The following PRKCE variants were observed in gnomAD, a reference collection of about 807,000 sequenced individuals.
PRKCE encodes the protein protein kinase C epsilon type.
A neutral mutation model predicts 85.4 loss-of-function variants in PRKCE; 16 were observed. The ratio of observed to expected loss-of-function variants is 0.19; its 90% confidence interval spans 0.13 to 0.28. PRKCE has a LOEUF of 0.28. PRKCE is among the 10% of genes least tolerant of loss of function. PRKCE has a pLI of 1.00. For synonymous variants in PRKCE, 388 were observed against 371.5 expected, an observed-to-expected ratio of 1.04 and a Z score of -0.51; for missense variants, 573 against 975.2, an observed-to-expected ratio of 0.59 and a Z score of 5.49.
intron 1 of PRKCE, among the ~76,000 whole-genome samples, chr2:45,724,337 G>T (rs901681565): frequency 6.6e-6 from 1 of 152,176 alleles, no homozygotes. Flanking sequence ...GATAAATGTT[G>T]TGTGTGTCCT....
chr2:46,083,917 G>C (rs1669339512), intron 10 of PRKCE, among the ~76,000 whole-genome samples: 1 of 152,250 alleles, frequency 6.6e-6, no homozygotes, highest in Non-Finnish European at 1.5e-5. Flanking sequence ...AGATGGAGGA[G>C]AGTCAGTGCT....
intron 2 of PRKCE, among the ~76,000 whole-genome samples, chr2:45,921,972 G>C (rs1698281690): frequency 6.6e-6 from 1 of 152,130 alleles, no homozygotes; most frequent in Admixed American, 6.5e-5. Flanking sequence ...CCCTCATATA[G>C]GGAAAATGAA....
At chr2:45,812,727 G>T (rs891851938) in intron 1 of PRKCE, among the ~76,000 whole-genome samples, 1 of 152,224 alleles carries the variant, frequency 6.6e-6, no homozygotes, top group Non-Finnish European at 1.5e-5. Flanking sequence ...TAAATGTGCT[G>T]TTGATTTTAA....
intron 2 of PRKCE, among the ~76,000 whole-genome samples, chr2:45,954,289 A>G (rs1246356769): frequency 2.0e-5 from 3 of 152,226 alleles, no homozygotes; most frequent in African/African-American, 7.2e-5. Context: ...ATCACTAAAT[A>G]TTGGAGTCAA....
At chr2:46,137,375 C>T (rs1221625131) in intron 11 of PRKCE, among the ~76,000 whole-genome samples, 5 of 152,152 alleles carry the variant, frequency 3.3e-5, no homozygotes, top group African/African-American at 1.2e-4. Context: ...TAGATACATG[C>T]ATAGCCAAAC....
intron 1 of PRKCE, among the ~76,000 whole-genome samples, chr2:45,794,325 G>T (rs1687254639): frequency 6.6e-6 from 1 of 152,140 alleles, no homozygotes; most frequent in African/African-American, 2.4e-5. Context: ...GCGCACTCTG[G>T]GCTGGCGTTT....
intron 2 of PRKCE, among the ~76,000 whole-genome samples, chr2:45,971,577 C>T (rs938142405): frequency 2.6e-5 from 4 of 152,178 alleles, no homozygotes; most frequent in East Asian, 1.9e-4. Context: ...GACAGTAGAA[C>T]ACTGAGTCTT....
chr2:45,704,371 G>T (rs1209197912), intron 1 of PRKCE, among the ~76,000 whole-genome samples: 1 of 152,114 alleles, frequency 6.6e-6, no homozygotes, highest in Non-Finnish European at 1.5e-5. Context: ...CCCTGTCCAG[G>T]GACTGGGCAA....
intron 11 of PRKCE, among the ~76,000 whole-genome samples, chr2:46,134,458 G>T (rs1232224605): frequency 1.3e-5 from 2 of 152,212 alleles, no homozygotes; most frequent in East Asian, 3.8e-4. Flanking sequence ...CCCTGCTTCT[G>T]GGGTGCCATT....
chr2:46,076,591 G>A (rs1229928538), intron 10 of PRKCE, among the ~76,000 whole-genome samples: 2 of 152,108 alleles, frequency 1.3e-5, no homozygotes, highest in African/African-American at 4.8e-5. Flanking sequence ...AAGCAACTGG[G>A]AACAAATATC....
intron 4 of PRKCE, among the ~76,000 whole-genome samples, chr2:45,979,722 G>T (rs1702732772): frequency 6.6e-6 from 1 of 152,156 alleles, no homozygotes; most frequent in Admixed American, 6.5e-5. Context: ...CACGCACACA[G>T]TTACTTACCT....
At chr2:46,146,304 C>T (rs72879760) in intron 12 of PRKCE, among the ~76,000 whole-genome samples, 2,860 of 152,316 alleles carry the variant, frequency 0.019, 83 homozygotes, top group African/African-American at 0.064. Flanking sequence ...TCGCCCATGG[C>T]GGATAGGTAT....
intron 1 of PRKCE, chr2:45,700,629 T>G (rs1477819126): frequency 6.6e-6 from 1 of 152,070 alleles, no homozygotes; most frequent in Non-Finnish European, 1.5e-5. Flanking sequence ...GACCTTGAGG[T>G]CATCACCCTC....
chr2:45,772,802 C>A (rs1322886222), intron 1 of PRKCE, among the ~76,000 whole-genome samples: 1 of 152,052 alleles, frequency 6.6e-6, no homozygotes, highest in African/African-American at 2.4e-5. Context: ...GGAGCAGGGG[C>A]TGAAGAGGAC....
At chr2:46,075,099 G>T (rs1668440573) in intron 10 of PRKCE, among the ~76,000 whole-genome samples, 1 of 152,106 alleles carries the variant, frequency 6.6e-6, no homozygotes, top group African/African-American at 2.4e-5. Context: ...GGAGTGCAGT[G>T]GCGTGATCTC....
At position 45,903,899 on chromosome 2, in the gene PRKCE, G is replaced by T. The variant is rs138508648; in HGVS notation, c.412+60836G>T. Among the ~76,000 whole-genome samples, 606 of 81,186 alleles carry T rather than the reference G, an allele frequency of 7.5e-3. 4 individuals carry two copies. The highest frequency in any genetic ancestry group is 0.016 in the Middle Eastern group (3 of 184). 53.3% of individuals were successfully genotyped at this position (81,186 alleles called of 152,430 possible). A position where few individuals can be genotyped will look rare whatever the true frequency, so the allele number is the denominator to read the frequency against. The stretch of plus-strand genomic sequence containing the variant: ...CCTGGCAGTTTTTTTTTGTTTGTTT[G>T]TTTGTTTGTTTGTTTGTTTTTTTTG... On this transcript the variant is annotated intron_variant, in intron 2 of 14. Coordinates refer to ENST00000306156, the MANE Select transcript of PRKCE (RefSeq NM_005400.3).
In PRKCE at chr2:45,826,684, C is replaced by T. The variant is rs531976032; in HGVS notation, c.349-16316C>T. The stretch of plus-strand genomic sequence containing the variant: ...CCGACATGGCCAGTGCAAACCTGCT[C>T]CTGTTCACCCCACCCACCCTGTTCT... On this transcript the variant is annotated intron_variant, in intron 1 of 14. Coordinates refer to ENST00000306156, the MANE Select transcript of PRKCE (RefSeq NM_005400.3). Among the ~76,000 whole-genome samples, 31 of 152,310 alleles carry T rather than the reference C, an allele frequency of 2.0e-4. 1 individual carries two copies. The South Asian group carries it at 6.4e-3, about 32-fold the overall frequency.
intron 12 of PRKCE, among the ~76,000 whole-genome samples, chr2:46,148,906 C>G (rs966617520): frequency 6.6e-6 from 1 of 152,176 alleles, no homozygotes; most frequent in Non-Finnish European, 1.5e-5. Flanking sequence ...CTCCTCAGGA[C>G]AGTGGAGCCC....
chr2:45,702,839 G>C (rs1323705529), intron 1 of PRKCE, among the ~76,000 whole-genome samples: 1 of 152,088 alleles, frequency 6.6e-6, no homozygotes, highest in East Asian at 1.9e-4. Flanking sequence ...GGAGCCATTT[G>C]AACACCTTAC....
Sources: allele counts gnomAD v4.1 joint callset (sites outside exome capture counted in the v4.1 genomes callset), GRCh38; gene constraint gnomAD v4.1.1; transcripts MANE v1.5; gene names NCBI Gene and HGNC (gene_info 2026-07-23, HGNC 2026-07-21).